Variants in AHCY observed in about 807,000 individuals in gnomAD.
The protein encoded by AHCY is S-adenosyl-L-homocysteine hydrolase.
A neutral mutation model predicts 45.4 loss-of-function variants in AHCY; 24 were observed. The observed-to-expected ratio is 0.53, with a 90% CI of 0.38 to 0.74. The LOEUF is 0.74. AHCY is among the 30% of genes least tolerant of loss of function. AHCY has a pLI of 0.00. For synonymous variants in AHCY, 245 were observed against 235.1 expected (o/e 1.04, Z -0.39); for missense variants, 449 against 594.1 (o/e 0.76, Z 2.54).
intron 4 of AHCY, among the ~76,000 whole-genome samples, chr20:34,291,860 ATCT>A (rs1298765776): frequency 6.6e-6 from 1 of 152,198 alleles, no homozygotes; most frequent in African/African-American, 2.4e-5. Flanking sequence ...TCTAACATGT[ATCT>A]TCTCAGAGAA....
the AHCY span, among the ~76,000 whole-genome samples, chr20:34,237,087 T>C: frequency 6.6e-6 from 1 of 152,252 alleles, no homozygotes; most frequent in Admixed American, 6.5e-5. Flanking sequence ...TCCATTTTTC[T>C]ACACATTTGT....
chr20:34,244,131 T>A, the AHCY span, among the ~76,000 whole-genome samples: 1 of 152,150 alleles, frequency 6.6e-6, no homozygotes, highest in East Asian at 1.9e-4. Context: ...AAACCATGGT[T>A]TTGTGGGCTC....
chr20:34,310,422 A>G (rs2036936342), intron 1 of AHCY, among the ~76,000 whole-genome samples: 1 of 152,138 alleles, frequency 6.6e-6, no homozygotes, highest in African/African-American at 2.4e-5. Flanking sequence ...ATAACATACT[A>G]TTGGTAAGAG....
rs2035965928 is a variant in AHCY, at chr20:34,280,488, T to C, written c.*546A>G. The stretch of plus-strand genomic sequence containing the variant: ...TCAGTTGCCCCTTAACAGTCTATTC[T>C]AACCCCTGTAAAACAGGGACTAAAA... On this transcript the variant is annotated 3_prime_UTR_variant, in exon 10 of 10. Transcript: ENST00000217426. 1.1e-5 allele frequency: 2 copies of C among 181,300 alleles called. No individual in the cohort carries two copies. The highest frequency in any genetic ancestry group is 2.4e-4 in the South Asian group (2 of 8,188). The allele number at this position is 181,300 out of a possible 1,614,324, so 11.2% of individuals were successfully genotyped here.
rs1432633635 is a variant in AHCY, at chr20:34,290,507, T to C, written c.854+44A>G. 2 of 1,613,768 alleles carry C rather than the reference T, an allele frequency of 1.2e-6. No homozygotes were observed. Among genetic ancestry groups the C allele is most frequent in the Non-Finnish European group, 1.7e-6 (2 of 1,179,668 alleles). On this transcript the variant is annotated intron_variant, in intron 7 of 9. Transcript: ENST00000217426. The surrounding 1 kb of genome is among the most constrained non-coding windows in gnomAD (Gnocchi z 4.5). Reference sequence around the variant, plus strand: ...CAGGGACAGAAAGCTGTCCCAACTCTGCCCTCCTCCCTCACTCCCCGGGAC... The same window carrying C: ...CAGGGACAGAAAGCTGTCCCAACTCCGCCCTCCTCCCTCACTCCCCGGGAC...
At chr20:34,247,300 C>CTTTT in the AHCY span, among the ~76,000 whole-genome samples, 2 of 120,692 alleles carry the variant, frequency 1.7e-5, no homozygotes, top group Non-Finnish European at 3.5e-5. Context: ...TTATATGATG[C>CTTTT]TTTTTTTTTT....
chr20:34,303,444 A>T, upstream of AHCY: 2 of 918,192 alleles, frequency 2.2e-6, no homozygotes, highest in Non-Finnish European at 3.4e-6. Context: ...CGCAGGGCGG[A>T]GCCGGAGGGG....
intron 1 of AHCY, chr20:34,302,731 A>G (rs1458924789): frequency 2.0e-6 from 2 of 988,874 alleles, no homozygotes; most frequent in East Asian, 2.2e-4. Flanking sequence ...TAACTGGCCC[A>G]AAGTCCCAGG....
rs2036353354 is a variant in AHCY at position 34,290,763 on chromosome 20, T to C, written c.734A>G (p.Asp245Gly). The C allele has an allele frequency of 6.2e-7, 1 of 1,613,692 alleles. No homozygotes were observed. The change falls in exon 6 of 10, where the codon GAC becomes GGC. Residue 245 changes from aspartate to glycine, a missense_variant. Asp to Gly is a moderately conservative substitution (Grantham distance 94, BLOSUM62 -1). Transcript: ENST00000217426. This position sits in a 1 kb window ranked among gnomAD's most constrained non-coding sequence, Gnocchi z 4.5. ...FGARVIITEI[D>G]PINALQAAME... is the part of the protein sequence containing the mutation. ...GGCAGCCTGCAGTGCGTTGATGGGG[T>C]CAATCTCGGTGATGATGACGCGGGC...
At chr20:34,295,730 C>A in intron 1 of AHCY, 145 bp from the exon 2 acceptor site, 1 of 862,932 alleles carries the variant, frequency 1.2e-6, no homozygotes, top group Non-Finnish European at 1.9e-6. Flanking sequence ...ACTCATGCAA[C>A]AAGTATTTAT....
intron 9 of AHCY, among the ~76,000 whole-genome samples, chr20:34,283,333 G>A (rs1032263785): frequency 1.3e-4 from 20 of 152,100 alleles, no homozygotes; most frequent in Non-Finnish European, 2.6e-4. Flanking sequence ...TTCCCCATTC[G>A]CAGGATGGAT....
the AHCY span, among the ~76,000 whole-genome samples, chr20:34,260,912 G>A: frequency 1.3e-5 from 2 of 152,174 alleles, no homozygotes; most frequent in African/African-American, 4.8e-5. Context: ...TGTCAGGGTT[G>A]GGAATGAAGG....
At chr20:34,274,783 C>T in the AHCY span, among the ~76,000 whole-genome samples, 10 of 151,268 alleles carry the variant, frequency 6.6e-5, no homozygotes, top group African/African-American at 2.4e-4. Flanking sequence ...CCCATCTCTA[C>T]AAAAAAAAAT....
At chr20:34,303,006 C>T (rs1005422573) in intron 1 of AHCY, 1 of 985,444 alleles carries the variant, frequency 1.0e-6, no homozygotes, top group Middle Eastern at 5.2e-4. Flanking sequence ...GCAGACCGCG[C>T]GGCGGCCCCG....
chr20:34,248,374 G>A, the AHCY span, among the ~76,000 whole-genome samples: 1 of 152,088 alleles, frequency 6.6e-6, no homozygotes, highest in Non-Finnish European at 1.5e-5. Flanking sequence ...CCACTTTTAA[G>A]TTATAAAAAT....
the AHCY span, among the ~76,000 whole-genome samples, chr20:34,275,131 C>CTTTTTT: frequency 2.0e-5 from 2 of 99,448 alleles, no homozygotes; most frequent in East Asian, 3.0e-4. Flanking sequence ...TCTCTATTTT[C>CTTTTTT]TTTTTTTTTT....
At chr20:34,268,513 AAG>A in the AHCY span, among the ~76,000 whole-genome samples, 1 of 152,218 alleles carries the variant, frequency 6.6e-6, no homozygotes, top group South Asian at 2.1e-4. Flanking sequence ...ACTTTAGCTC[AAG>A]AGTTTGAGAC....
At chr20:34,282,097 G>A (rs952115788) in intron 9 of AHCY, among the ~76,000 whole-genome samples, 5 of 148,564 alleles carry the variant, frequency 3.4e-5, no homozygotes, top group Admixed American at 1.3e-4. Flanking sequence ...AATCCCCACC[G>A]CCTCCCCCCA....
the AHCY span, among the ~76,000 whole-genome samples, chr20:34,263,934 G>A: frequency 7.2e-5 from 11 of 151,960 alleles, no homozygotes; most frequent in African/African-American, 2.7e-4. Flanking sequence ...GCCTACCAAA[G>A]TGCTGGGATT....
Sources: allele counts gnomAD v4.1 joint callset (sites outside exome capture counted in the v4.1 genomes callset), GRCh38; gene constraint gnomAD v4.1.1; non-coding constraint Gnocchi (gnomAD v3.1); transcripts MANE v1.5; gene names NCBI Gene and HGNC (gene_info 2026-07-23, HGNC 2026-07-21).